The following RABL6 variants were observed in gnomAD, a reference collection of about 807,000 sequenced individuals.
RABL6 encodes the protein rab-like protein 6.
A neutral mutation model predicts 72.9 loss-of-function variants in RABL6; 28 were observed. The ratio of observed to expected loss-of-function variants is 0.38; its 90% CI spans 0.28 to 0.53. The LOEUF (loss-of-function observed/expected upper bound fraction) is 0.53. Among genes scored for constraint, RABL6 ranks in the 20% least tolerant of loss-of-function variants. RABL6 has a pLI of 0.80. For synonymous variants in RABL6, 477 were observed against 421.2 expected, an observed-to-expected ratio of 1.13 and a Z score of -1.62; for missense variants, 1,029 against 1,008.4, an observed-to-expected ratio of 1.02 and a Z score of -0.28.
rs1305677972 is a variant in RABL6, at chr9:136,826,425, C to A, written c.313+599C>A. ...TGGTGTGTGCAGGGCTGGCCACGTG[C>A]ACGCCCCGGCCTCACAGGCCTGGCT... On this transcript the variant is annotated intron_variant, in intron 3 of 14. Transcript: ENST00000311502. This position sits in a 1 kb window ranked among gnomAD's most constrained non-coding sequence, Gnocchi z 4.9. Among the ~76,000 whole-genome samples the A allele has an allele frequency of 6.6e-6, 1 of 152,256 alleles. No individual in the cohort carries two copies. The highest frequency in any genetic ancestry group is 2.4e-5 in the African/African-American group (1 of 41,570).
At chr9:136,813,029 C>T (rs939807117) in intron 1 of RABL6, 4 of 373,300 alleles carry the variant, frequency 1.1e-5, no homozygotes, top group African/African-American at 2.1e-5. Flanking sequence ...TCACTGTTGC[C>T]ATCTACAGAG....
In RABL6 at chr9:136,839,286, T is replaced by A; in HGVS notation, c.1558T>A (p.Trp520Arg). ...TCCCACGAGGACCGCAGCACCCCCC[T>A]GGCCAGGCGGTGTCTCTGTTCGCAC... ...TAPTRTAAPP[W>R]PGGVSVRTGP... The change falls in exon 12 of 15, where the codon TGG (tryptophan) becomes AGG (arginine). Residue 520 changes from tryptophan (W) to arginine (R), a missense_variant. Physicochemically the swap from Trp to Arg is moderately radical, Grantham distance 101. Coordinates refer to ENST00000311502, the MANE Select transcript of RABL6 (RefSeq NM_024718.5). 1.9e-6 allele frequency: 3 copies of A among 1,610,818 alleles called. No individual in the cohort carries two copies. Among genetic ancestry groups the A allele is most frequent in the Non-Finnish European group, 2.5e-6 (3 of 1,179,126 alleles).
intron 7 of RABL6, among the ~76,000 whole-genome samples, chr9:136,834,948 A>T (rs1848558494): frequency 6.6e-6 from 1 of 151,468 alleles, no homozygotes; most frequent in South Asian, 2.1e-4. Flanking sequence ...AAAAAAAAAA[A>T]AAATCTCTGA....
chr9:136,821,890 C>T (rs1848245195), intron 1 of RABL6: 8 of 1,275,534 alleles, frequency 6.3e-6, no homozygotes, highest in Non-Finnish European at 8.1e-6. Flanking sequence ...GCCGGTGCGG[C>T]CGCCACCGTG....
At chr9:136,809,854 T>A (rs1847968328) in intron 1 of RABL6, 2 of 161,432 alleles carry the variant, frequency 1.2e-5, no homozygotes, top group African/African-American at 2.4e-5. Flanking sequence ...AACTTGTGGC[T>A]GGGGAGAAGG....
intron 7 of RABL6, chr9:136,834,143 CCTGGATTGCCT>C: frequency 7.8e-7 from 1 of 1,290,306 alleles, no homozygotes; most frequent in Non-Finnish European, 9.8e-7. Flanking sequence ...TTGTCTTGCC[CCTGGATTGCCT>C]GGAAGCAAAT....
At position 136,840,185 on chromosome 9, in the gene RABL6, G is replaced by A. The variant is rs754126577; in HGVS notation, c.1962G>A (p.Lys654=). Residue 654 remains lysine (K), a synonymous_variant, in exon 14 of 15, where the codon AAG becomes AAA. Transcript: ENST00000311502. ...GKEGKTPSKE[K]KKKKKKGKEE... ...AGGGCAAAACCCCCTCTAAGGAGAA[G>A]AAGAAGAAGAAGAAAAAAGGCAAAG... is the stretch of plus-strand genomic sequence containing the variant. The A allele has an allele frequency of 7.4e-6, 12 of 1,612,660 alleles. No individual in the cohort carries two copies. The Admixed American group carries it at 1.5e-4, about 20-fold the overall frequency.
rs567540705 is a variant in RABL6, at chr9:136,823,202, ACCAGGGGTC to A, written c.131-314_131-306del. 1.7e-4 allele frequency among the ~76,000 whole-genome samples: 26 copies of A among 151,714 alleles called. No individual in the cohort carries two copies. The East Asian group carries it at 4.1e-3, about 24-fold the overall frequency. ...GTGGTGGGCCCTGACCCTGAGGGTC[ACCAGGGGTC>A]CCAGGGGTGGGCTCTAGGGCAGAAC... On this transcript the variant is annotated intron_variant, in intron 1 of 14. Transcript: ENST00000311502.
intron 5 of RABL6, chr9:136,830,998 C>T (rs1848461553): frequency 6.5e-6 from 1 of 154,752 alleles, no homozygotes; most frequent in African/African-American, 2.4e-5. Flanking sequence ...CAGAGGTGCC[C>T]CTGGGCCGGC....
intron 2 of RABL6, among the ~76,000 whole-genome samples, chr9:136,825,351 C>A (rs1848329417): frequency 6.6e-6 from 1 of 151,094 alleles, no homozygotes; most frequent in Non-Finnish European, 1.5e-5. Flanking sequence ...AGACATCGAC[C>A]CAGCCAGGAG....
At chr9:136,812,767 A>G (rs1255547124) in intron 1 of RABL6, 2 of 334,918 alleles carry the variant, frequency 6.0e-6, no homozygotes, top group East Asian at 1.6e-4. Flanking sequence ...AGAGGGAAAG[A>G]CAAAGGGACA....
Position 136,837,599 on chromosome 9 carries a change from C to G in RABL6, c.1063C>G (p.Arg355Gly). Reference protein sequence around the residue: ...PACPSAPAPRRSIISRLFGTS... With the variant: ...PACPSAPAPRGSIISRLFGTS... ...GTGCCCCTCAGCCCCCGCCCCACGGCGCAGCATCATCTCTAGGCTGTTTGG... is the reference window on the plus strand; with the variant it reads ...GTGCCCCTCAGCCCCCGCCCCACGGGGCAGCATCATCTCTAGGCTGTTTGG... The change falls in exon 9 of 15, where the codon CGC becomes GGC. Residue 355 changes from arginine to glycine, a missense_variant. Arg to Gly is a moderately radical substitution (Grantham distance 125). Transcript: ENST00000311502. The G allele has an allele frequency of 6.3e-7, 1 of 1,594,566 alleles. No homozygotes were observed. The highest frequency in any genetic ancestry group is 8.5e-7 in the Non-Finnish European group (1 of 1,172,724).
In RABL6 at chr9:136,831,778, C is replaced by T. The variant is rs780543136; in HGVS notation, c.516C>T (p.Cys172=). The change falls in exon 6 of 15, where the codon TGC becomes TGT. Residue 172 remains cysteine (C), a synonymous_variant. Coordinates refer to ENST00000311502, the MANE Select transcript of RABL6 (RefSeq NM_024718.5). ...AAGTGCCCACCCACGTGCCAGTGTG[C>T]GTGCTGGGAAACTACCGGGACATGG... ...LPKVPTHVPV[C]VLGNYRDMGE... is the part of the protein sequence containing the mutation. The T allele has an allele frequency of 5.6e-6, 9 of 1,613,358 alleles. No homozygotes were observed. Among genetic ancestry groups the T allele is most frequent in the African/African-American group, 2.7e-5 (2 of 74,912 alleles).
intron 12 of RABL6, 102 bp downstream of exon 12, chr9:136,839,588 C>T (rs1370903684): frequency 1.5e-5 from 24 of 1,549,422 alleles, no homozygotes; most frequent in East Asian, 2.3e-5. Context: ...CTGGAAGAGG[C>T]ATCTCATGTC....
rs546165193 is a variant in RABL6, at chr9:136,818,118, C to T, written c.131-5407C>T. ...GTGGCTCACGCCTGTAATCCCAGCACTTTGGGAGGCCGAGGCGGGCAGATC... is the reference window on the plus strand; with the variant it reads ...GTGGCTCACGCCTGTAATCCCAGCATTTTGGGAGGCCGAGGCGGGCAGATC... On this transcript the variant is annotated intron_variant, in intron 1 of 14. Transcript: ENST00000311502. 3.5e-3 allele frequency among the ~76,000 whole-genome samples: 511 copies of T among 145,558 alleles called. 2 individuals carry two copies. Among genetic ancestry groups the T allele is most frequent in the Non-Finnish European group, 6.2e-3 (413 of 67,034 alleles).
intron 5 of RABL6, among the ~76,000 whole-genome samples, chr9:136,830,268 C>T (rs997718175): frequency 1.3e-5 from 2 of 152,260 alleles, no homozygotes; most frequent in Admixed American, 6.5e-5. Flanking sequence ...CCGCCTGTCA[C>T]GGGGCCGCAC....
Position 136,840,985 on chromosome 9 carries a change from T to G in RABL6, c.*463T>G. Reference sequence around the variant, plus strand: ...GAGCCCTGAACACGGGTGTGCAGACTCACCCTAAAGGGCGGCCCAGGCCCC... The same window carrying G: ...GAGCCCTGAACACGGGTGTGCAGACGCACCCTAAAGGGCGGCCCAGGCCCC... On this transcript the variant is annotated 3_prime_UTR_variant, in exon 15 of 15. Coordinates refer to ENST00000311502, the MANE Select transcript of RABL6 (RefSeq NM_024718.5). 6.9e-7 allele frequency: 1 copy of G among 1,448,384 alleles called. No homozygotes were observed. The highest frequency in any genetic ancestry group is 9.1e-7 in the Non-Finnish European group (1 of 1,097,314). 89.7% of individuals were successfully genotyped at this position (1,448,384 alleles called of 1,614,324 possible).
intron 1 of RABL6, chr9:136,813,054 G>T: frequency 2.6e-6 from 1 of 378,056 alleles, no homozygotes; most frequent in Non-Finnish European, 5.1e-6. Flanking sequence ...AGCCTTTGGG[G>T]CACCCGGTTT....
chr9:136,840,259 G>A (rs370448998), intron 14 of RABL6, 47 bp downstream of exon 14: 69 of 1,612,240 alleles, frequency 4.3e-5, no homozygotes, highest in East Asian at 1.8e-4. Context: ...GGTGGCATGC[G>A]GTCCTGGGAC....
Sources: allele counts gnomAD v4.1 joint callset (sites outside exome capture counted in the v4.1 genomes callset), GRCh38; gene constraint gnomAD v4.1.1; non-coding constraint Gnocchi (gnomAD v3.1); transcripts MANE v1.5; gene names NCBI Gene and HGNC (gene_info 2026-07-23, HGNC 2026-07-21).